The following PRKCQ variants were observed in gnomAD, a reference collection of about 807,000 sequenced individuals.
The protein encoded by PRKCQ is protein kinase C theta type.
PRKCQ carries 41 observed loss-of-function variants against 91.2 expected under a neutral mutation model. The ratio of observed to expected loss-of-function variants is 0.45; its 90% CI spans 0.35 to 0.58. The LOEUF is 0.58. Among genes scored for constraint, PRKCQ ranks in the 20% least tolerant of loss-of-function variants. The pLI is 0.00. For missense variants in PRKCQ, 673 were observed against 896.5 expected (o/e 0.75, Z 3.18); for synonymous variants, 307 against 316.9 (o/e 0.97, Z 0.33).
chr10:6,533,300 C>A (rs755539611), intron 1 of PRKCQ, among the ~76,000 whole-genome samples: 3 of 152,156 alleles, frequency 2.0e-5, no homozygotes, highest in Non-Finnish European at 4.4e-5. Flanking sequence ...CGAGTTCAAG[C>A]GATTCTCCTG....
chr10:6,568,699 T>G (rs1840925220), intron 1 of PRKCQ, among the ~76,000 whole-genome samples: 1 of 152,070 alleles, frequency 6.6e-6, no homozygotes, highest in Admixed American at 6.5e-5. Flanking sequence ...GGGGTTTCAC[T>G]GCATTAGCCA....
chr10:6,517,054 C>G (rs1838792357), intron 1 of PRKCQ, among the ~76,000 whole-genome samples: 1 of 152,172 alleles, frequency 6.6e-6, no homozygotes, highest in Non-Finnish European at 1.5e-5. Context: ...TGACATACAC[C>G]TGACATCTAG....
chr10:6,400,807 G>A, the PRKCQ span, among the ~76,000 whole-genome samples: 1 of 151,646 alleles, frequency 6.6e-6, no homozygotes, highest in Non-Finnish European at 1.5e-5. Context: ...GAGCCCAGGG[G>A]TTCAAATCTA....
At chr10:6,570,963 C>T (rs114498435) in intron 1 of PRKCQ, among the ~76,000 whole-genome samples, 25 of 152,138 alleles carry the variant, frequency 1.6e-4, no homozygotes, top group African/African-American at 5.5e-4. Flanking sequence ...AGTTCTGAAT[C>T]GGGAAACTTG....
At chr10:6,459,888 G>C (rs1258016272) in intron 14 of PRKCQ, among the ~76,000 whole-genome samples, 1 of 152,198 alleles carries the variant, frequency 6.6e-6, no homozygotes, top group Non-Finnish European at 1.5e-5. Context: ...TATCAGTTTT[G>C]TGAACAAATT....
rs746884255 is a variant in PRKCQ, at chr10:6,462,384, AG to A, written c.1446-20del. 49 of 1,611,218 alleles carry A rather than the reference AG, an allele frequency of 3.0e-5. No homozygotes were observed. The African/African-American group carries it at 6.3e-4, about 21-fold the overall frequency. ...ATAAAACCTGGGGGAAGGAGAACCAAGGTTCAACATGAATGTTGTCATGGAA... is the reference window on the plus strand; with the variant it reads ...ATAAAACCTGGGGGAAGGAGAACCAAGTTCAACATGAATGTTGTCATGGAA... On this transcript the variant is annotated intron_variant, in intron 13 of 17. Coordinates refer to ENST00000263125, the MANE Select transcript of PRKCQ (RefSeq NM_006257.5).
At chr10:6,401,582 G>A in the PRKCQ span, among the ~76,000 whole-genome samples, 3 of 151,184 alleles carry the variant, frequency 2.0e-5, no homozygotes, top group East Asian at 1.9e-4. Flanking sequence ...AGTGATTACC[G>A]CCACCCTTTT....
At chr10:6,542,554 C>T (rs999297694) in intron 1 of PRKCQ, among the ~76,000 whole-genome samples, 1 of 152,184 alleles carries the variant, frequency 6.6e-6, no homozygotes, top group African/African-American at 2.4e-5. Context: ...GAGACTTTAA[C>T]ACCCTATAAC....
At chr10:6,548,775 C>G (rs1840071182) in intron 1 of PRKCQ, among the ~76,000 whole-genome samples, 1 of 151,010 alleles carries the variant, frequency 6.6e-6, no homozygotes, top group Admixed American at 6.6e-5. Context: ...GGAGATATAA[C>G]TAATGCTAAA....
Position 6,478,990 on chromosome 10 carries a change from A to T in PRKCQ, c.1353+2T>A. 1 of 1,613,902 alleles carries T rather than the reference A, an allele frequency of 6.2e-7. No individual in the cohort carries two copies. Among genetic ancestry groups the T allele is most frequent in the Non-Finnish European group, 8.5e-7 (1 of 1,179,892 alleles). On this transcript the variant is annotated splice_donor_variant, in intron 12 of 17. Transcript: ENST00000263125. LOFTEE classifies it high-confidence loss of function. ...GTAGGGTTGTCGGAGCAGAAGCCAT[A>T]CCTTGGTCTGGAATGTACAAAACAT...
chr10:6,488,887 C>T (rs1212526113), intron 8 of PRKCQ, among the ~76,000 whole-genome samples: 3 of 152,082 alleles, frequency 2.0e-5, no homozygotes, highest in Non-Finnish European at 4.4e-5. Flanking sequence ...TCAAGCCATC[C>T]TCTTGCCTCA....
chr10:6,486,185 C>A (rs902708883), intron 8 of PRKCQ, 41 bp from the exon 9 acceptor site: 33 of 1,519,306 alleles, frequency 2.2e-5, no homozygotes, highest in Non-Finnish European at 2.9e-5. Flanking sequence ...AGTGGAAGAA[C>A]CCCCTGGTGC....
intron 15 of PRKCQ, among the ~76,000 whole-genome samples, chr10:6,455,491 A>G (rs1437303610): frequency 6.6e-6 from 1 of 152,224 alleles, no homozygotes; most frequent in Non-Finnish European, 1.5e-5. Flanking sequence ...TCCTTTGGCA[A>G]TGACAGGAAC....
chr10:6,396,300 G>GT, the PRKCQ span, among the ~76,000 whole-genome samples: 7 of 152,096 alleles, frequency 4.6e-5, no homozygotes, highest in Non-Finnish European at 1.0e-4. Context: ...TTCACACAGC[G>GT]TAACATTTAC....
chr10:6,491,723 G>A lies in PRKCQ; in HGVS notation c.750C>T (p.Thr250=), dbSNP rs764626237. Residue 250 remains threonine (T), a synonymous_variant, in exon 8 of 18, where the codon ACC becomes ACT. Transcript: ENST00000263125. The part of the protein sequence containing the change: ...KSPTFCEHCG[T]LLWGLARQGL... ...CTTGCCGTGCCAGTCCCCACAGCAG[G>A]GTCCCACAGTGTTCACAGAAGGTCG... The A allele has an allele frequency of 3.1e-6, 5 of 1,614,038 alleles. No individual in the cohort carries two copies. In the South Asian group the frequency reaches 4.4e-5, roughly 14 times the overall value.
rs116224260 is a variant in PRKCQ at position 6,488,928 on chromosome 10, C to G, written c.790+2755G>C. Among the ~76,000 whole-genome samples the G allele has an allele frequency of 8.1e-3, 1,226 of 152,090 alleles. 17 individuals are homozygous for G. Among genetic ancestry groups the G allele is most frequent in the African/African-American group, 0.027 (1,117 of 41,464 alleles). On this transcript the variant is annotated intron_variant, in intron 8 of 17. Coordinates refer to ENST00000263125, the MANE Select transcript of PRKCQ (RefSeq NM_006257.5). Reference sequence around the variant, plus strand: ...TTGTGTAGCTGAGACCACAGGCGTGCACACCACTACACCCGACTAATTTTT... The same window carrying G: ...TTGTGTAGCTGAGACCACAGGCGTGGACACCACTACACCCGACTAATTTTT...
At chr10:6,514,925 G>A (rs1838675355) in intron 2 of PRKCQ, 93 bp downstream of exon 2, 1 of 1,580,632 alleles carries the variant, frequency 6.3e-7, no homozygotes, top group African/African-American at 1.4e-5. Flanking sequence ...TCCACCAGAT[G>A]ATGTCAAATG....
chr10:6,468,179 T>C (rs906539901), intron 12 of PRKCQ, among the ~76,000 whole-genome samples: 3 of 152,252 alleles, frequency 2.0e-5, no homozygotes, highest in African/African-American at 7.2e-5. Context: ...AATATATCAT[T>C]ATTTAAAACA....
chr10:6,431,515 C>T (rs576215815), intron 16 of PRKCQ, among the ~76,000 whole-genome samples: 18 of 152,314 alleles, frequency 1.2e-4, no homozygotes, highest in South Asian at 2.1e-4. Flanking sequence ...CACACGCACA[C>T]GGACAGGCAT....
Sources: gnomAD v4.1 joint callset for allele counts (sites outside exome capture counted in the v4.1 genomes callset) on GRCh38, gnomAD v4.1.1 for gene constraint, MANE v1.5 for transcripts, NCBI Gene and HGNC (gene_info 2026-07-23, HGNC 2026-07-21) for gene names.